The following NPFFR1 variants were observed in gnomAD, a reference collection of about 807,000 sequenced individuals.
NPFFR1 encodes G-protein coupled receptor 147.
NPFFR1 carries 17 observed loss-of-function variants against 12.7 expected under a neutral mutation model. The ratio of observed to expected loss-of-function variants is 1.34; its 90% CI spans 0.92 to 2.01. The LOEUF (loss-of-function observed/expected upper bound fraction) is 2.01, where lower values mean the gene tolerates loss of function less well. NPFFR1 is among the 30% of genes most tolerant of loss of function. NPFFR1 has a pLI of 0.00. For missense variants in NPFFR1, 604 were observed against 606.5 expected (o/e 1.00, Z 0.04); for synonymous variants, 296 against 264.5 (o/e 1.12, Z -1.16).
chr10:70,276,817 C>A (rs1039296564), intron 1 of NPFFR1, among the ~76,000 whole-genome samples: 25 of 152,040 alleles, frequency 1.6e-4, no homozygotes, highest in Non-Finnish European at 2.8e-4. Flanking sequence ...AAACTCCTGA[C>A]CTCAAGTGAT....
intron 2 of NPFFR1, among the ~76,000 whole-genome samples, chr10:70,263,551 G>A (rs1008560894): frequency 6.6e-6 from 1 of 152,150 alleles, no homozygotes; most frequent in Admixed American, 6.5e-5. Context: ...GGGATTACAG[G>A]CATGAGCCAC....
chr10:70,262,961 C>G (rs958214500), intron 2 of NPFFR1, among the ~76,000 whole-genome samples: 1 of 152,012 alleles, frequency 6.6e-6, no homozygotes, highest in Non-Finnish European at 1.5e-5. Flanking sequence ...AATTCAAGAC[C>G]AGCCTGGGTA....
intron 1 of NPFFR1, among the ~76,000 whole-genome samples, chr10:70,274,973 A>C (rs999301977): frequency 6.6e-6 from 1 of 152,186 alleles, no homozygotes; most frequent in Non-Finnish European, 1.5e-5. Flanking sequence ...CTTGAGAACT[A>C]TAACCTCCTA....
At chr10:70,257,525 C>T (rs767591314) in intron 3 of NPFFR1, among the ~76,000 whole-genome samples, 7 of 152,220 alleles carry the variant, frequency 4.6e-5, no homozygotes, top group Non-Finnish European at 7.3e-5. Context: ...CGGAAAGCCG[C>T]GGGGACCTCT....
chr10:70,270,892 G>A (rs1840738399), intron 1 of NPFFR1, among the ~76,000 whole-genome samples: 1 of 152,128 alleles, frequency 6.6e-6, no homozygotes, highest in African/African-American at 2.4e-5. Flanking sequence ...TGTCTCCAGG[G>A]TACCCAAGAG....
chr10:70,270,303 G>A (rs956116376), intron 1 of NPFFR1, among the ~76,000 whole-genome samples: 1 of 152,130 alleles, frequency 6.6e-6, no homozygotes, highest in Non-Finnish European at 1.5e-5. Flanking sequence ...CCTTCTCCAG[G>A]CCCCTCCAGA....
Position 70,255,674 on chromosome 10 carries a change from G to T in NPFFR1, c.576C>A (p.Asp192Glu), listed in dbSNP as rs560814381. The change falls in exon 4 of 4, where the codon GAC (aspartate) becomes GAA (glutamate). Residue 192 changes from aspartate (D) to glutamate (E), a missense_variant. By Grantham distance (45) the Asp-to-Glu change is conservative. Transcript: ENST00000277942. The surrounding 1 kb of genome is among the most constrained non-coding windows in gnomAD (Gnocchi z 4.2). ...VTREEHHFMV[D>E]ARNRSYPLYS... is the part of the protein sequence containing the mutation. The stretch of plus-strand genomic sequence containing the variant: ...AGAGCGGGTAGGAGCGGTTGCGGGC[G>T]TCCACCATGAAGTGGTGCTCCTCAC... 1.2e-6 allele frequency: 2 copies of T among 1,602,580 alleles called. No homozygotes were observed. Among genetic ancestry groups the T allele is most frequent in the African/African-American group, 1.3e-5 (1 of 74,718 alleles).
rs1226261913 is a variant in NPFFR1 at position 70,266,306 on chromosome 10, G to A, written c.93C>T (p.Thr31=). The A allele has an allele frequency of 8.7e-6, 14 of 1,613,700 alleles. No homozygotes were observed. Among genetic ancestry groups the A allele is most frequent in the Non-Finnish European group, 1.2e-5 (14 of 1,179,824 alleles). ...AGGTGTGCTGATAGTAGGAGGAGAAGGTGAGGTTTGTAGCCGGGGTGGCCT... is the reference window on the plus strand; with the variant it reads ...AGGTGTGCTGATAGTAGGAGGAGAAAGTGAGGTTTGTAGCCGGGGTGGCCT... ...NTEATPATNL[T]FSSYYQHTSP... is the part of the protein sequence containing the mutation. The change falls in exon 2 of 4, where the codon ACC becomes ACT. Residue 31 remains threonine (T), a synonymous_variant. Coordinates refer to ENST00000277942, the MANE Select transcript of NPFFR1 (RefSeq NM_022146.5).
intron 1 of NPFFR1, among the ~76,000 whole-genome samples, chr10:70,275,912 C>T (rs769107021): frequency 6.6e-6 from 1 of 152,154 alleles, no homozygotes; most frequent in Non-Finnish European, 1.5e-5. Flanking sequence ...TCTAAGAATA[C>T]AGCATGCAGT....
chr10:70,268,959 T>C (rs190066765), intron 1 of NPFFR1, among the ~76,000 whole-genome samples: 13 of 152,330 alleles, frequency 8.5e-5, no homozygotes, highest in Non-Finnish European at 1.8e-4. Context: ...ATATTGCATT[T>C]GGTAGACGTG....
rs773799721 is a variant in NPFFR1 at position 70,254,139 on chromosome 10, C to T, written c.*818G>A. 6.6e-6 allele frequency: 1 copy of T among 152,174 alleles called. No homozygotes were observed. The highest frequency in any genetic ancestry group is 1.9e-4 in the East Asian group (1 of 5,196). 9.4% of individuals were successfully genotyped at this position (152,174 alleles called of 1,614,324 possible). On this transcript the variant is annotated 3_prime_UTR_variant, in exon 4 of 4. Transcript: ENST00000277942. ...TCTATGAGTACGTAAAAGGACACCT[C>T]CTGTGGCCCTGCAGCATTACAATGT...
chr10:70,269,421 T>G (rs1477039137), intron 1 of NPFFR1, among the ~76,000 whole-genome samples: 3 of 152,168 alleles, frequency 2.0e-5, no homozygotes, highest in Non-Finnish European at 4.4e-5. Context: ...CCTCCCAAAG[T>G]GCTGAGATTA....
At position 70,266,180 on chromosome 10, in the gene NPFFR1, G is replaced by A. The variant is rs757124426; in HGVS notation, c.219C>T (p.His73=). 6.2e-6 allele frequency: 10 copies of A among 1,614,038 alleles called. No individual in the cohort carries two copies. The East Asian group carries it at 1.8e-4, about 29-fold the overall frequency. ...LVCFIVLKNR[H]MHTVTNMFIL... ...TGAACATGTTGGTGACAGTATGCAT[G>A]TGCCGGTTCTTGAGCACGATGAAAC... The change falls in exon 2 of 4, where the codon CAC becomes CAT. Residue 73 remains histidine (H), a synonymous_variant. Transcript: ENST00000277942.
At chr10:70,263,030 G>A (rs1840649840) in intron 2 of NPFFR1, among the ~76,000 whole-genome samples, 1 of 152,114 alleles carries the variant, frequency 6.6e-6, no homozygotes, top group Admixed American at 6.5e-5. Flanking sequence ...AGCCATACAT[G>A]GTGGCGCATT....
At chr10:70,266,870 C>T (rs574582158) in intron 1 of NPFFR1, among the ~76,000 whole-genome samples, 2 of 152,312 alleles carry the variant, frequency 1.3e-5, no homozygotes, top group Admixed American at 6.5e-5. Context: ...CTGTTTTTCC[C>T]TATAGCCACA....
chr10:70,276,435 G>A (rs1457332123), intron 1 of NPFFR1, among the ~76,000 whole-genome samples: 5 of 152,100 alleles, frequency 3.3e-5, no homozygotes, highest in Admixed American at 2.6e-4. Context: ...ACAAAGCGCT[G>A]TGTCTCTTTT....
At chr10:70,272,793 G>C (rs945849561) in intron 1 of NPFFR1, among the ~76,000 whole-genome samples, 1 of 152,204 alleles carries the variant, frequency 6.6e-6, no homozygotes, top group African/African-American at 2.4e-5. Flanking sequence ...CCCGCCCCCA[G>C]ATCCAGCCAT....
chr10:70,275,474 G>A (rs150602491), intron 1 of NPFFR1, among the ~76,000 whole-genome samples: 1 of 152,290 alleles, frequency 6.6e-6, no homozygotes, highest in East Asian at 1.9e-4. Context: ...CTAAACATAT[G>A]CCCTGGAGCA....
chr10:70,273,556 G>A lies in NPFFR1; in HGVS notation c.8-7165C>T, dbSNP rs1460402439. On this transcript the variant is annotated intron_variant, in intron 1 of 3. Transcript: ENST00000277942. ...GGCAGTGTTGGGCATCAGGTTTTGG[G>A]CTCACCCTGCATCCATGAGCCCTTC... Among the ~76,000 whole-genome samples the A allele has an allele frequency of 2.6e-5, 4 of 152,272 alleles. No homozygotes were observed. The South Asian group carries it at 8.3e-4, about 32-fold the overall frequency.
Sources: allele counts gnomAD v4.1 joint callset (sites outside exome capture counted in the v4.1 genomes callset), GRCh38; gene constraint gnomAD v4.1.1; non-coding constraint Gnocchi (gnomAD v3.1); transcripts MANE v1.5; gene names NCBI Gene and HGNC (gene_info 2026-07-23, HGNC 2026-07-21).